The following UNC5A variants were observed in gnomAD, a reference collection of about 807,000 sequenced individuals.
The protein encoded by UNC5A is unc-5 netrin receptor A.
In UNC5A, 20 loss-of-function variants were observed where a neutral mutation model predicts 87.4. That is an observed-to-expected ratio of 0.23 (90% confidence interval 0.16 to 0.33). The LOEUF is 0.33. Among genes scored for constraint, UNC5A ranks in the 10% least tolerant of loss-of-function variants. The pLI is 1.00. For synonymous variants in UNC5A, 438 were observed against 482.3 expected (o/e 0.91, Z 1.20); for missense variants, 844 against 1,133.4 (o/e 0.74, Z 3.67).
rs1286629605 is a variant in UNC5A at position 176,824,243 on chromosome 5, G to A, written c.70+13423G>A. 6.6e-6 allele frequency among the ~76,000 whole-genome samples: 1 copy of A among 152,242 alleles called. No homozygotes were observed. Among genetic ancestry groups the A allele is most frequent in the Non-Finnish European group, 1.5e-5 (1 of 68,048 alleles). On this transcript the variant is annotated intron_variant, in intron 1 of 14. Transcript: ENST00000329542. This position sits in a 1 kb window ranked among gnomAD's most constrained non-coding sequence, Gnocchi z 4.2. ...GAAAGCGGCCGTGGGGCTGAGGCGGGTGAGGCCAGCGCACAGGGAGATCAG... is the reference window on the plus strand; with the variant it reads ...GAAAGCGGCCGTGGGGCTGAGGCGGATGAGGCCAGCGCACAGGGAGATCAG...
At chr5:176,849,882 C>T (rs1194648851) in intron 1 of UNC5A, among the ~76,000 whole-genome samples, 25 of 152,358 alleles carry the variant, frequency 1.6e-4, no homozygotes, top group Non-Finnish European at 1.0e-4. Context: ...CTACTGCCCA[C>T]TCTTGGAGCT....
chr5:176,878,671 C>G, intron 13 of UNC5A, 32 bp downstream of exon 13: 1 of 1,592,124 alleles, frequency 6.3e-7, no homozygotes, highest in Non-Finnish European at 8.6e-7. Context: ...ACCGCCGTGA[C>G]GTGCTCCCAC....
At chr5:176,827,112 C>G (rs1276346125) in intron 1 of UNC5A, among the ~76,000 whole-genome samples, 3 of 151,116 alleles carry the variant, frequency 2.0e-5, no homozygotes, top group Admixed American at 2.0e-4. Flanking sequence ...TGGCCTCTTT[C>G]GCTTAGCATA....
In UNC5A at chr5:176,865,293, G is replaced by T. The variant is rs1008766301; in HGVS notation, c.292+2448G>T. ...CCAGCACCCCCTTCCGGGCTCCCCC[G>T]CACACCCCTCTGTCTGAAACACCCC... On this transcript the variant is annotated intron_variant, in intron 2 of 14. Transcript: ENST00000329542. The surrounding 1 kb of genome is among the most constrained non-coding windows in gnomAD (Gnocchi z 5.3). Among the ~76,000 whole-genome samples, 1 of 151,870 alleles carries T rather than the reference G, an allele frequency of 6.6e-6. No individual in the cohort carries two copies. The highest frequency in any genetic ancestry group is 1.5e-5 in the Non-Finnish European group (1 of 67,950).
rs146046757 is a variant in UNC5A, at chr5:176,856,871, G to A, written c.71-5753G>A. Among the ~76,000 whole-genome samples, 866 of 152,164 alleles carry A rather than the reference G, an allele frequency of 5.7e-3. 2 individuals carry two copies. The highest frequency in any genetic ancestry group is 9.5e-3 in the Non-Finnish European group (643 of 68,000). On this transcript the variant is annotated intron_variant, in intron 1 of 14. Transcript: ENST00000329542. Reference sequence around the variant, plus strand: ...GCAATGAAATCCCAACTCCTGACTCGACTGTAAAGGCCCCTGGGGTCCAGC... The same window carrying A: ...GCAATGAAATCCCAACTCCTGACTCAACTGTAAAGGCCCCTGGGGTCCAGC...
rs1211789801 is a variant in UNC5A, at chr5:176,814,470, C to G, written c.70+3650C>G. On this transcript the variant is annotated intron_variant, in intron 1 of 14. Transcript: ENST00000329542. ...TGACCCCGCCAGCATGCTCCCCACCCAACACCCCAACGTTGGCTCTGTCCA... is the reference window on the plus strand; with the variant it reads ...TGACCCCGCCAGCATGCTCCCCACCGAACACCCCAACGTTGGCTCTGTCCA... Among the ~76,000 whole-genome samples, 3 of 152,180 alleles carry G rather than the reference C, an allele frequency of 2.0e-5. No individual in the cohort carries two copies. The East Asian group carries it at 5.8e-4, about 29-fold the overall frequency.
At chr5:176,854,131 C>A (rs1297391154) in intron 1 of UNC5A, among the ~76,000 whole-genome samples, 1 of 152,114 alleles carries the variant, frequency 6.6e-6, no homozygotes, top group Admixed American at 6.5e-5. Context: ...CCGTTGTTAC[C>A]TCCAGGCAGG....
intron 1 of UNC5A, among the ~76,000 whole-genome samples, chr5:176,831,875 TTC>T (rs199623939): frequency 0.046 from 2,009 of 44,042 alleles, 440 homozygotes; most frequent in Non-Finnish European, 0.066. Context: ...TTCACACACT[TTC>T]TCTCTCTCTT....
chr5:176,835,990 T>C (rs548260689), intron 1 of UNC5A, among the ~76,000 whole-genome samples: 5 of 152,294 alleles, frequency 3.3e-5, no homozygotes, highest in African/African-American at 1.2e-4. Flanking sequence ...AAATAAAAGA[T>C]CTGGAAGAGG....
chr5:176,879,540 CCGG>C, intron 14 of UNC5A, 52 bp downstream of exon 14: 1 of 1,557,196 alleles, frequency 6.4e-7, no homozygotes, highest in South Asian at 1.2e-5. Context: ...ACAGTCCTGC[CCGG>C]CGGCGGGGTG....
intron 1 of UNC5A, among the ~76,000 whole-genome samples, chr5:176,815,965 T>G (rs898242838): frequency 5.3e-5 from 8 of 152,260 alleles, no homozygotes; most frequent in African/African-American, 1.9e-4. Context: ...TGATCATCTC[T>G]GACTCTCAGG....
chr5:176,829,265 G>GTGGA (rs1195492790), intron 1 of UNC5A, among the ~76,000 whole-genome samples: 1 of 50,662 alleles, frequency 2.0e-5, no homozygotes, highest in South Asian at 1.3e-3. Flanking sequence ...GGATGGATGG[G>GTGGA]TGGCTGGATG....
chr5:176,877,472 C>T (rs938639377), intron 9 of UNC5A, 63 bp from the exon 10 acceptor site: 5 of 1,523,498 alleles, frequency 3.3e-6, no homozygotes, highest in Non-Finnish European at 3.6e-6. Flanking sequence ...CTTGGCCTAG[C>T]CCTCAGGACC....
rs1757190807 is a variant in UNC5A at position 176,838,187 on chromosome 5, C to T, written c.71-24437C>T. Among the ~76,000 whole-genome samples, 1 of 152,174 alleles carries T rather than the reference C, an allele frequency of 6.6e-6. No homozygotes were observed. Among genetic ancestry groups the T allele is most frequent in the Admixed American group, 6.5e-5 (1 of 15,290 alleles). On this transcript the variant is annotated intron_variant, in intron 1 of 14. Transcript: ENST00000329542. This position sits in a 1 kb window ranked among gnomAD's most constrained non-coding sequence, Gnocchi z 4.2. ...ATTTCTTGCAAACCTGATTCTACTGCTTAACTCTGGGGGGAAGGAGCTGGA... is the reference window on the plus strand; with the variant it reads ...ATTTCTTGCAAACCTGATTCTACTGTTTAACTCTGGGGGGAAGGAGCTGGA...
intron 1 of UNC5A, among the ~76,000 whole-genome samples, chr5:176,858,151 G>A (rs1339548593): frequency 2.6e-5 from 4 of 152,226 alleles, no homozygotes; most frequent in Non-Finnish European, 5.9e-5. Context: ...GGCATGGACC[G>A]AGGATGCACA....
intron 1 of UNC5A, among the ~76,000 whole-genome samples, chr5:176,817,788 G>C (rs1409057061): frequency 1.3e-5 from 2 of 151,942 alleles, no homozygotes; most frequent in African/African-American, 4.8e-5. Context: ...TTCGCCATTC[G>C]CCGCGGCGCC....
intron 9 of UNC5A, 106 bp downstream of exon 9, chr5:176,877,385 G>C (rs921712326): frequency 2.2e-6 from 3 of 1,356,492 alleles, no homozygotes; most frequent in East Asian, 4.8e-5. Context: ...CCGAGGCGGC[G>C]GGGGAAAGAG....
intron 1 of UNC5A, among the ~76,000 whole-genome samples, chr5:176,827,769 A>G (rs1756890870): frequency 6.6e-6 from 1 of 152,246 alleles, no homozygotes; most frequent in African/African-American, 2.4e-5. Context: ...CTCACTAGCA[A>G]TAACGAGGGT....
rs371948820 is a variant in UNC5A, at chr5:176,877,685, G to A, written c.1617G>A (p.Ser539=). The change falls in exon 10 of 15, where the codon TCG becomes TCA. Residue 539 remains serine, a synonymous_variant. Transcript: ENST00000329542. ...GGAGCCTGCGCCTCAAAAAGCAGTCGTGCGAGGGCAGCTGGGAGGTGAGCA... is the reference window on the plus strand; with the variant it reads ...GGAGCCTGCGCCTCAAAAAGCAGTCATGCGAGGGCAGCTGGGAGGTGAGCA... The part of the protein sequence containing the change: ...DSWSLRLKKQ[S]CEGSWEDVLH... 7.2e-5 allele frequency: 116 copies of A among 1,605,848 alleles called. No homozygotes were observed. Among genetic ancestry groups the A allele is most frequent in the Admixed American group, 2.2e-4 (13 of 59,580 alleles).
Sources: gnomAD v4.1 joint callset for allele counts (sites outside exome capture counted in the v4.1 genomes callset) on GRCh38, gnomAD v4.1.1 for gene constraint, Gnocchi (gnomAD v3.1) non-coding constraint, MANE v1.5 for transcripts, NCBI Gene and HGNC (gene_info 2026-07-23, HGNC 2026-07-21) for gene names.